Variants in CTC1 observed in about 807,000 individuals in gnomAD.
The protein encoded by CTC1 is CST telomere replication complex component 1, also known as CST complex subunit CTC1.
Under a neutral mutation model 136.3 loss-of-function variants are expected in CTC1, and 91 were observed. The ratio of observed to expected loss-of-function variants is 0.67; its 90% CI spans 0.56 to 0.79. The LOEUF (loss-of-function observed/expected upper bound fraction) is 0.79, where lower values mean the gene tolerates loss of function less well. CTC1 is among the 30% of genes least tolerant of loss of function. The pLI is 0.00. For missense variants in CTC1, 1,432 were observed against 1,498.1 expected, an observed-to-expected ratio of 0.96 and a Z score of 0.73; for synonymous variants, 606 against 613.8, an observed-to-expected ratio of 0.99 and a Z score of 0.19.
intron 4 of CTC1, 74 bp downstream of exon 4, chr17:8,237,957 T>C: frequency 2.5e-6 from 3 of 1,221,604 alleles, no homozygotes; most frequent in Non-Finnish European, 3.5e-6. Context: ...GCCCTTTTCT[T>C]TCTCTCCCTC....
intron 11 of CTC1, 183 bp downstream of exon 11, chr17:8,232,723 T>C (rs1363153794): frequency 1.3e-6 from 1 of 792,216 alleles, no homozygotes; most frequent in Non-Finnish European, 2.1e-6. Context: ...ATGCTGGAAA[T>C]TCTGGCTAGG....
In CTC1 at chr17:8,228,046, G is replaced by A; in HGVS notation, c.*134C>T. 1.1e-6 allele frequency: 1 copy of A among 922,382 alleles called. No individual in the cohort carries two copies. The allele number at this position is 922,382 out of a possible 1,614,324, so 57.1% of individuals were successfully genotyped here. On this transcript the variant is annotated 3_prime_UTR_variant, in exon 23 of 23. Coordinates refer to ENST00000651323, the MANE Select transcript of CTC1 (RefSeq NM_025099.6). ...GCTGGCACCAGAACACCAAAGAAGG[G>A]AAATTATAGTGGAGTAGCAGTTTGT...
chr17:8,225,726 G>C lies in CTC1; in HGVS notation c.*2454C>G, dbSNP rs1484184331. Reference sequence around the variant, plus strand: ...TACCCTGACATCCCGCTGGTGGAGAGGGATGGAGGTAACTGCAAGTGAAAG... The same window carrying C: ...TACCCTGACATCCCGCTGGTGGAGACGGATGGAGGTAACTGCAAGTGAAAG... On this transcript the variant is annotated 3_prime_UTR_variant, in exon 23 of 23. Transcript: ENST00000651323. 3 of 152,142 alleles carry C rather than the reference G, an allele frequency of 2.0e-5. No individual in the cohort carries two copies. Among genetic ancestry groups the C allele is most frequent in the Non-Finnish European group, 4.4e-5 (3 of 68,034 alleles). 9.4% of individuals were successfully genotyped at this position (152,142 alleles called of 1,614,324 possible).
intron 10 of CTC1, 199 bp from the exon 11 acceptor site, chr17:8,233,231 G>A (rs767697474): frequency 1.0e-5 from 6 of 578,548 alleles, no homozygotes; most frequent in Non-Finnish European, 1.5e-5. Context: ...AGTAGGAGAA[G>A]AGAAAGCGCA....
In CTC1 at chr17:8,231,967, T is replaced by C; in HGVS notation, c.2321A>G (p.Gln774Arg). The change falls in exon 13 of 23, where the codon CAG becomes CGG. Residue 774 changes from glutamine to arginine, a missense_variant. By Grantham distance (43) the Gln-to-Arg change is conservative. Coordinates refer to ENST00000651323, the MANE Select transcript of CTC1 (RefSeq NM_025099.6). ...CCCCCATCCAGTACCCTCCTTCCTC[T>C]GGGTGCCCCCAAGCCAGCTCCCCAA... ...YVLGSWLGGT[Q>R]RKEGTGWGLP... is the part of the protein sequence containing the mutation. The C allele has an allele frequency of 1.2e-6, 2 of 1,612,324 alleles. No homozygotes were observed. Among genetic ancestry groups the C allele is most frequent in the East Asian group, 2.2e-5 (1 of 44,868 alleles).
rs375293707 is a variant in CTC1, at chr17:8,235,252, C to T, written c.1240G>A (p.Gly414Arg). The T allele has an allele frequency of 2.5e-6, 4 of 1,614,022 alleles. No individual in the cohort carries two copies. The highest frequency in any genetic ancestry group is 1.6e-4 in the Middle Eastern group (1 of 6,062). Reference protein sequence around the residue: ...QDVHLLQSVGGGTRRPVLAPC... With the variant: ...QDVHLLQSVGRGTRRPVLAPC... The stretch of plus-strand genomic sequence containing the variant: ...GCGAGCACTGGCCTTCTTGTCCCCC[C>T]TCCCACTGACTGGAGCAGGTGAACA... The change falls in exon 8 of 23, where the codon GGG (glycine) becomes AGG (arginine). Residue 414 changes from glycine to arginine, a missense_variant. Physicochemically the swap from Gly to Arg is moderately radical, Grantham distance 125. Coordinates refer to ENST00000651323, the MANE Select transcript of CTC1 (RefSeq NM_025099.6).
intron 2 of CTC1, among the ~76,000 whole-genome samples, chr17:8,242,544 AAAAAAAAAAATAT>A (rs1357126237): frequency 0.01 from 988 of 97,514 alleles, 4 homozygotes; most frequent in Admixed American, 0.019. Context: ...AAAAAAAAAA[AAAAAAAAAAATAT>A]ATATATATAT....
intron 11 of CTC1, 99 bp downstream of exon 11, chr17:8,232,807 C>A (rs1227893393): frequency 1.4e-6 from 2 of 1,464,632 alleles, no homozygotes; most frequent in Non-Finnish European, 1.9e-6. Context: ...GTCACTTCTG[C>A]ATCTCTAGTA....
intron 1 of CTC1, chr17:8,247,729 G>T: frequency 2.2e-6 from 1 of 453,516 alleles, no homozygotes; most frequent in Non-Finnish European, 4.0e-6. Context: ...CAGCCCCATA[G>T]TTCCCCCATT....
At position 8,228,541 on chromosome 17, in the gene CTC1, A is replaced by G; in HGVS notation, c.3476T>C (p.Phe1159Ser). The part of the protein sequence containing the change: ...PSVLRPIVLS[F>S]ELERKPSKIV... ...CTTCGACGGTTTCCTTTCCAGCTCA[A>G]AAGAAAGCACAATAGGACGGAGGAC... Residue 1159 changes from phenylalanine to serine, a missense_variant, in exon 22 of 23, where the codon TTT becomes TCT. By Grantham distance (155) the Phe-to-Ser change is radical (BLOSUM62 -2). Transcript: ENST00000651323. 1 of 1,614,148 alleles carries G rather than the reference A, an allele frequency of 6.2e-7. No individual in the cohort carries two copies. The highest frequency in any genetic ancestry group is 2.2e-5 in the East Asian group (1 of 44,888).
Position 8,235,158 on chromosome 17 carries a change from C to T in CTC1, c.1334G>A (p.Arg445His), listed in dbSNP as rs768361173. The change falls in exon 8 of 23, where the codon CGT (arginine) becomes CAT (histidine). Residue 445 changes from arginine to histidine, a missense_variant. Transcript: ENST00000651323. Reference protein sequence around the residue: ...SRQKPGAHSSRQAYGASLYEQ... With the variant: ...SRQKPGAHSSHQAYGASLYEQ... The stretch of plus-strand genomic sequence containing the variant: ...GTACAGGGAGGCCCCGTAGGCTTGA[C>T]GGGATGAGTGAGCCCCAGGCTTCTG... The T allele has an allele frequency of 9.9e-6, 16 of 1,614,128 alleles. No homozygotes were observed. The highest frequency in any genetic ancestry group is 3.3e-5 in the Admixed American group (2 of 60,018).
intron 2 of CTC1, among the ~76,000 whole-genome samples, chr17:8,241,672 G>A (rs1362551353): frequency 6.6e-6 from 1 of 151,612 alleles, no homozygotes; most frequent in African/African-American, 2.4e-5. Context: ...CACCTTGGGA[G>A]GCCATGGTAG....
At position 8,237,537 on chromosome 17, in the gene CTC1, G is replaced by A; in HGVS notation, c.648-18C>T. The A allele has an allele frequency of 6.2e-7, 1 of 1,612,876 alleles. No homozygotes were observed. On this transcript the variant is annotated intron_variant, in intron 4 of 22. Coordinates refer to ENST00000651323, the MANE Select transcript of CTC1 (RefSeq NM_025099.6). ...GCTTGTTTCTAAGAAGGAAGAAAAA[G>A]CCCTGTAATCCCAGCTACTCAGGAG...
chr17:8,245,955 G>C (rs1415997456), intron 1 of CTC1, among the ~76,000 whole-genome samples: 2 of 138,520 alleles, frequency 1.4e-5, no homozygotes, highest in Non-Finnish European at 3.1e-5. Context: ...AGTAGTCCCA[G>C]CTACTTGGGA....
In CTC1 at chr17:8,239,149, G is replaced by A. The variant is rs181218588; in HGVS notation, c.198-520C>T. Among the ~76,000 whole-genome samples the A allele has an allele frequency of 8.8e-4, 133 of 151,406 alleles. 1 individual carries two copies. The highest frequency in any genetic ancestry group is 2.9e-3 in the African/African-American group (118 of 41,222). On this transcript the variant is annotated intron_variant, in intron 2 of 22. Coordinates refer to ENST00000651323, the MANE Select transcript of CTC1 (RefSeq NM_025099.6). ...AAGGATGGGATCTGAGTCCAATTCC[G>A]TGCTGAATAGTATCTTCAACAAGAT... is the stretch of plus-strand genomic sequence containing the variant.
At position 8,238,238 on chromosome 17, in the gene CTC1, A is replaced by G. The variant is rs1987916042; in HGVS notation, c.440T>C (p.Ile147Thr). The G allele has an allele frequency of 4.4e-6, 7 of 1,602,998 alleles. No homozygotes were observed. The highest frequency in any genetic ancestry group is 5.1e-6 in the Non-Finnish European group (6 of 1,172,672). The change falls in exon 4 of 23, where the codon ATA becomes ACA. Residue 147 changes from isoleucine to threonine, a missense_variant. By Grantham distance (89) the Ile-to-Thr change is moderately conservative. Transcript: ENST00000651323. ...DNTGVLSCEL[I>T]DLDLSWLGHL... ...GCCCAACCAAGAAAGGTCCAGGTCTATGAGCTAAGAAAGACCAAGAGCAAG... is the reference window on the plus strand; with the variant it reads ...GCCCAACCAAGAAAGGTCCAGGTCTGTGAGCTAAGAAAGACCAAGAGCAAG...
chr17:8,231,214 C>A, intron 15 of CTC1, 62 bp downstream of exon 15: 2 of 1,346,834 alleles, frequency 1.5e-6, no homozygotes, highest in South Asian at 1.6e-5. Flanking sequence ...TTCACCAAAC[C>A]CAGCTAGCTT....
Position 8,236,359 on chromosome 17 carries a change from C to A in CTC1, c.793-17G>T. 1.3e-6 allele frequency: 2 copies of A among 1,595,578 alleles called. No homozygotes were observed. The highest frequency in any genetic ancestry group is 2.2e-5 in the South Asian group (2 of 90,800). ...GGCAGGGACCTGGCTTGTGCAGAGACAGGCAATGTGACACAAGAGACCCCA... is the reference window on the plus strand; with the variant it reads ...GGCAGGGACCTGGCTTGTGCAGAGAAAGGCAATGTGACACAAGAGACCCCA... On this transcript the variant is annotated splice_polypyrimidine_tract_variant and intron_variant, in intron 5 of 22. Coordinates refer to ENST00000651323, the MANE Select transcript of CTC1 (RefSeq NM_025099.6).
intron 11 of CTC1, 49 bp from the exon 12 acceptor site, chr17:8,232,524 T>C: frequency 2.0e-6 from 3 of 1,526,702 alleles, no homozygotes; most frequent in South Asian, 1.1e-5. Context: ...ACCTGTGGGG[T>C]GGGTTGCAAG....
Sources: gnomAD v4.1 joint callset for allele counts (sites outside exome capture counted in the v4.1 genomes callset) on GRCh38, gnomAD v4.1.1 for gene constraint, MANE v1.5 for transcripts, NCBI Gene and HGNC (gene_info 2026-07-23, HGNC 2026-07-21) for gene names.